CAST: variants seen among roughly 807,000 people sequenced by gnomAD.
CAST encodes the protein MIR583 host.
A neutral mutation model predicts 119.6 loss-of-function variants in CAST; 76 were observed. The observed-to-expected ratio is 0.64, with a 90% CI of 0.53 to 0.77. The LOEUF is 0.77. Among genes scored for constraint, CAST ranks in the 30% least tolerant of loss-of-function variants. The pLI is 0.00. For missense variants in CAST, 953 were observed against 946.5 expected (o/e 1.01, Z -0.09); for synonymous variants, 319 against 331.6 (o/e 0.96, Z 0.41).
chr5:96,089,613 C>A, the CAST span, among the ~76,000 whole-genome samples: 1 of 152,152 alleles, frequency 6.6e-6, no homozygotes, highest in Non-Finnish European at 1.5e-5. Flanking sequence ...AAGACCAATA[C>A]TGCCATTTGT....
At chr5:96,050,679 G>C in the CAST span, among the ~76,000 whole-genome samples, 1 of 152,194 alleles carries the variant, frequency 6.6e-6, no homozygotes, top group Admixed American at 6.5e-5. Context: ...AGTGAGCTTA[G>C]ACAGGAGTTG....
the CAST span, among the ~76,000 whole-genome samples, chr5:96,119,149 A>G: frequency 6.6e-6 from 1 of 152,156 alleles, no homozygotes; most frequent in East Asian, 1.9e-4. Context: ...TTGTGTTGTT[A>G]TTATTGGAAA....
the CAST span, among the ~76,000 whole-genome samples, chr5:96,380,367 G>A: frequency 2.0e-5 from 3 of 152,144 alleles, no homozygotes; most frequent in Admixed American, 6.5e-5. Flanking sequence ...TTTTAAGTTG[G>A]GTGATGAAAT....
intron 20 of CAST, 52 bp downstream of exon 20, chr5:96,750,734 C>T (rs1764858111): frequency 2.1e-6 from 2 of 957,274 alleles, no homozygotes; most frequent in South Asian, 1.3e-5. Flanking sequence ...TTTTCTGCCT[C>T]CTCCTGTCAC....
the CAST span, among the ~76,000 whole-genome samples, chr5:96,484,341 T>C: frequency 6.6e-6 from 1 of 152,202 alleles, no homozygotes; most frequent in East Asian, 1.9e-4. Context: ...TTAGAGTTGT[T>C]GGAAAAGTAA....
chr5:96,386,354 G>A, the CAST span, among the ~76,000 whole-genome samples: 1 of 152,160 alleles, frequency 6.6e-6, no homozygotes, highest in Admixed American at 6.6e-5. Flanking sequence ...AGCCTCAACT[G>A]TCACTTCAAG....
the CAST span, among the ~76,000 whole-genome samples, chr5:96,175,826 T>A: frequency 6.6e-6 from 1 of 152,264 alleles, no homozygotes; most frequent in Admixed American, 6.5e-5. Flanking sequence ...GATGCTTTTC[T>A]AATACATCCT....
the CAST span, among the ~76,000 whole-genome samples, chr5:96,312,869 ATAACTT>A: frequency 2.0e-5 from 3 of 152,126 alleles, no homozygotes; most frequent in African/African-American, 7.2e-5. Flanking sequence ...AACATAGAAA[ATAACTT>A]AAGTGACCTT....
At position 96,774,019 on chromosome 5, in the gene CAST, T is replaced by C. The variant is rs1466089105; in HGVS notation, c.*1403T>C. The stretch of plus-strand genomic sequence containing the variant: ...CTATGGGATTTTACACACCACCAGC[T>C]TAAAATGCTATGTCTCTATCCATCA... On this transcript the variant is annotated 3_prime_UTR_variant, in exon 32 of 32. Transcript: ENST00000675179. 2.0e-5 allele frequency: 3 copies of C among 152,350 alleles called. No homozygotes were observed. Among genetic ancestry groups the C allele is most frequent in the East Asian group, 3.7e-4 (2 of 5,336 alleles). The allele number at this position is 152,350 out of a possible 1,614,324, so 9.4% of individuals were successfully genotyped here.
At chr5:96,309,250 T>C in the CAST span, among the ~76,000 whole-genome samples, 60 of 152,232 alleles carry the variant, frequency 3.9e-4, no homozygotes, top group Non-Finnish European at 7.8e-4. Context: ...TTGTTTACAA[T>C]GTGAGGGTAA....
At chr5:96,507,990 CATTATT>C in the CAST span, among the ~76,000 whole-genome samples, 1,250 of 142,242 alleles carry the variant, frequency 8.8e-3, 14 homozygotes, top group African/African-American at 0.025. Flanking sequence ...ATATCCCTGA[CATTATT>C]ATTATTATTA....
chr5:96,269,485 T>G, the CAST span, among the ~76,000 whole-genome samples: 2 of 151,906 alleles, frequency 1.3e-5, no homozygotes, highest in Non-Finnish European at 2.9e-5. Context: ...TTACAGAAAA[T>G]TTCACCCAGC....
At chr5:96,263,049 G>T in the CAST span, among the ~76,000 whole-genome samples, 1 of 152,150 alleles carries the variant, frequency 6.6e-6, no homozygotes, top group Middle Eastern at 3.2e-3. Context: ...GTAGTTCTTA[G>T]CCCTGACTGT....
At chr5:96,467,988 C>T in the CAST span, among the ~76,000 whole-genome samples, 8 of 152,044 alleles carry the variant, frequency 5.3e-5, no homozygotes, top group Middle Eastern at 6.8e-3. Context: ...CCAACCTAAG[C>T]GCGCATCAAC....
the CAST span, among the ~76,000 whole-genome samples, chr5:96,320,976 A>T: frequency 6.6e-6 from 1 of 152,166 alleles, no homozygotes; most frequent in African/African-American, 2.4e-5. Flanking sequence ...AAGTCAGATG[A>T]GTTCCTACAA....
chr5:96,055,453 T>C, the CAST span, among the ~76,000 whole-genome samples: 2 of 152,198 alleles, frequency 1.3e-5, no homozygotes, highest in Admixed American at 6.6e-5. Context: ...ATTTTAGCAG[T>C]GACCAAGAGT....
intron 1 of CAST, among the ~76,000 whole-genome samples, chr5:96,556,846 G>C (rs1746250976): frequency 6.6e-6 from 1 of 152,076 alleles, no homozygotes; most frequent in African/African-American, 2.4e-5. Flanking sequence ...TCAAATCCAG[G>C]AAATACAGAG....
chr5:96,603,496 T>C (rs73152060), intron 1 of CAST, among the ~76,000 whole-genome samples: 12,630 of 152,210 alleles, frequency 0.083, 603 homozygotes, highest in African/African-American at 0.14. Flanking sequence ...AGTGTCACTG[T>C]CTTCTACCTC....
the CAST span, among the ~76,000 whole-genome samples, chr5:95,971,992 T>C: frequency 0.41 from 60,963 of 149,378 alleles, 15,309 homozygotes; most frequent in East Asian, 0.83. Flanking sequence ...AGGGTCCCCC[T>C]GCTGTTACCC....
Sources: gnomAD v4.1 joint callset for allele counts (sites outside exome capture counted in the v4.1 genomes callset) on GRCh38, gnomAD v4.1.1 for gene constraint, MANE v1.5 for transcripts, NCBI Gene and HGNC (gene_info 2026-07-23, HGNC 2026-07-21) for gene names.